The following MLLT3 variants were observed in gnomAD, a reference collection of about 807,000 sequenced individuals.
MLLT3 encodes the protein MLLT3 super elongation complex subunit.
MLLT3 carries 4 observed loss-of-function variants against 53.2 expected under a neutral mutation model. The observed-to-expected ratio is 0.08, with a 90% CI of 0.04 to 0.17. The LOEUF (loss-of-function observed/expected upper bound fraction) is 0.17, where lower values mean the gene tolerates loss of function less well. Among genes scored for constraint, MLLT3 ranks in the 10% least tolerant of loss-of-function variants. The pLI is 1.00. For synonymous variants in MLLT3, 283 were observed against 230.6 expected (o/e 1.23, Z -2.06); for missense variants, 569 against 684.0 (o/e 0.83, Z 1.87).
At chr9:20,457,229 C>G (rs114059882) in intron 2 of MLLT3, among the ~76,000 whole-genome samples, 4 of 132,858 alleles carry the variant, frequency 3.0e-5, no homozygotes, top group Admixed American at 7.9e-5. Flanking sequence ...GATGTCCTGA[C>G]AAGGACATCT....
At chr9:20,394,930 T>G (rs928052306) in intron 5 of MLLT3, among the ~76,000 whole-genome samples, 1 of 151,890 alleles carries the variant, frequency 6.6e-6, no homozygotes, top group Non-Finnish European at 1.5e-5. Flanking sequence ...GAGGGAGGTG[T>G]GGGAAGAGGT....
chr9:20,462,112 C>A (rs952612631), intron 2 of MLLT3, among the ~76,000 whole-genome samples: 3 of 152,150 alleles, frequency 2.0e-5, no homozygotes, highest in Non-Finnish European at 4.4e-5. Flanking sequence ...GTCTGAGCAT[C>A]AGAGGGTAGC....
chr9:20,354,811 G>A lies in MLLT3; in HGVS notation c.1500C>T (p.Asp500=), dbSNP rs1821122606. Residue 500 remains aspartate, a synonymous_variant, in exon 9 of 11, where the codon GAC becomes GAT. Transcript: ENST00000380338. Reference sequence around the variant, plus strand: ...TAGTAACAGACTAGAAACCTACCTTGTCACATTCACCATTCTTTATTTGCT... The same window carrying A: ...TAGTAACAGACTAGAAACCTACCTTATCACATTCACCATTCTTTATTTGCT... ...SDKQIKNGEC[D]KAYLDELVEL... 6.2e-7 allele frequency: 1 copy of A among 1,607,222 alleles called. No homozygotes were observed. The highest frequency in any genetic ancestry group is 8.5e-7 in the Non-Finnish European group (1 of 1,174,206).
At position 20,404,075 on chromosome 9, in the gene MLLT3, C is replaced by T. The variant is rs1015541646; in HGVS notation, c.1125+9646G>A. On this transcript the variant is annotated intron_variant, in intron 5 of 10. Coordinates refer to ENST00000380338, the MANE Select transcript of MLLT3 (RefSeq NM_004529.4). ...GACTCAAGTTATCCACTCACCTTGG[C>T]CTCCCAAAGTGCCGGGACTACAGGT... Among the ~76,000 whole-genome samples the T allele has an allele frequency of 2.0e-5, 3 of 152,176 alleles. No individual in the cohort carries two copies. In the East Asian group the frequency reaches 5.8e-4, roughly 29 times the overall value.
At chr9:20,410,345 T>A (rs1224176454) in intron 5 of MLLT3, among the ~76,000 whole-genome samples, 1 of 152,164 alleles carries the variant, frequency 6.6e-6, no homozygotes, top group East Asian at 1.9e-4. Context: ...CTTACATTTT[T>A]TTTATTAGTG....
chr9:20,555,612 G>A (rs558055966), intron 2 of MLLT3, among the ~76,000 whole-genome samples: 2 of 152,280 alleles, frequency 1.3e-5, no homozygotes, highest in South Asian at 2.1e-4. Context: ...CAACTTCCTT[G>A]TAAAATAATA....
intron 2 of MLLT3, among the ~76,000 whole-genome samples, chr9:20,480,584 G>A (rs923328811): frequency 2.6e-5 from 4 of 152,310 alleles, no homozygotes; most frequent in East Asian, 1.9e-4. Context: ...TTTCCTCCAC[G>A]TATTGGAGAG....
intron 1 of MLLT3, 59 bp downstream of exon 1, chr9:20,622,186 C>T (rs1821038798): frequency 1.3e-6 from 2 of 1,524,318 alleles, no homozygotes; most frequent in South Asian, 2.3e-5. Context: ...GCTGCGGCGG[C>T]GCAGGGCGAG....
chr9:20,410,998 C>T (rs1245385183), intron 5 of MLLT3: 1 of 152,172 alleles, frequency 6.6e-6, no homozygotes, highest in Non-Finnish European at 1.5e-5. Context: ...ACGAATCTGG[C>T]TCATATTCAA....
At chr9:20,442,386 C>G (rs777782681) in intron 4 of MLLT3, among the ~76,000 whole-genome samples, 3 of 152,250 alleles carry the variant, frequency 2.0e-5, no homozygotes, top group African/African-American at 7.2e-5. Context: ...CGGACATATC[C>G]ATGTGCACAA....
chr9:20,514,429 A>G lies in MLLT3; in HGVS notation c.194-57643T>C, dbSNP rs546021936. On this transcript the variant is annotated intron_variant, in intron 2 of 10. Transcript: ENST00000380338. Reference sequence around the variant, plus strand: ...GATGCAGGCCTCTGGACTGTAAACCATTAAACACCCAAACCAGTAGCAATG... The same window carrying G: ...GATGCAGGCCTCTGGACTGTAAACCGTTAAACACCCAAACCAGTAGCAATG... Among the ~76,000 whole-genome samples, 454 of 152,176 alleles carry G rather than the reference A, an allele frequency of 3.0e-3. 1 individual carries two copies. Among genetic ancestry groups the G allele is most frequent in the Non-Finnish European group, 5.2e-3 (357 of 68,032 alleles).
intron 2 of MLLT3, among the ~76,000 whole-genome samples, chr9:20,578,944 T>G (rs1819722102): frequency 6.6e-6 from 1 of 152,224 alleles, no homozygotes; most frequent in African/African-American, 2.4e-5. Flanking sequence ...TTTTTACTTT[T>G]TCGAGTAAAG....
chr9:20,362,216 C>G (rs1821340923), intron 7 of MLLT3, among the ~76,000 whole-genome samples: 1 of 152,168 alleles, frequency 6.6e-6, no homozygotes. Context: ...TCAGATGACT[C>G]ACAAACCTAC....
chr9:20,495,147 A>AT (rs2118928875), intron 2 of MLLT3, among the ~76,000 whole-genome samples: 1 of 152,212 alleles, frequency 6.6e-6, no homozygotes, highest in East Asian at 1.9e-4. Context: ...TATATAAATC[A>AT]TTTTTCTCTC....
chr9:20,538,959 T>C (rs1238035798), intron 2 of MLLT3, among the ~76,000 whole-genome samples: 5 of 152,256 alleles, frequency 3.3e-5, no homozygotes. Flanking sequence ...ATGCCTTAAC[T>C]TTAAAATGCT....
intron 2 of MLLT3, among the ~76,000 whole-genome samples, chr9:20,615,497 T>G (rs535546653): frequency 6.6e-6 from 1 of 152,022 alleles, no homozygotes; most frequent in Admixed American, 6.6e-5. Context: ...TCACCGGAAT[T>G]TAATGAGGCA....
At chr9:20,559,763 T>C (rs987116822) in intron 2 of MLLT3, among the ~76,000 whole-genome samples, 1 of 152,160 alleles carries the variant, frequency 6.6e-6, no homozygotes, top group Non-Finnish European at 1.5e-5. Flanking sequence ...TGAGAGAGCA[T>C]AAAATACATA....
chr9:20,572,280 T>C (rs1819549368), intron 2 of MLLT3, among the ~76,000 whole-genome samples: 1 of 152,122 alleles, frequency 6.6e-6, no homozygotes, highest in East Asian at 1.9e-4. Flanking sequence ...GAATAAGTTC[T>C]GGAGATCAAA....
chr9:20,487,070 A>G (rs565432326), intron 2 of MLLT3, among the ~76,000 whole-genome samples: 2 of 152,276 alleles, frequency 1.3e-5, no homozygotes, highest in African/African-American at 4.8e-5. Context: ...AAAATCAATT[A>G]TTTATCCATG....
Sources: gnomAD v4.1 joint callset for allele counts (sites outside exome capture counted in the v4.1 genomes callset) on GRCh38, gnomAD v4.1.1 for gene constraint, MANE v1.5 for transcripts, NCBI Gene and HGNC (gene_info 2026-07-23, HGNC 2026-07-21) for gene names.